MORC1: variants seen among roughly 807,000 people sequenced by gnomAD.
MORC1 encodes the protein MORC family CW-type zinc finger protein 1.
In MORC1, 59 loss-of-function variants were observed where a neutral mutation model predicts 134.9. The observed-to-expected ratio is 0.44, with a 90% CI of 0.35 to 0.54. The LOEUF (loss-of-function observed/expected upper bound fraction) is 0.54. MORC1 is among the 20% of genes least tolerant of loss of function. The pLI is 0.00. For missense variants in MORC1, 947 were observed against 1,134.5 expected, an observed-to-expected ratio of 0.83 and a Z score of 2.37; for synonymous variants, 395 against 391.7, an observed-to-expected ratio of 1.01 and a Z score of -0.10.
intron 18 of MORC1, among the ~76,000 whole-genome samples, 180 bp from the exon 19 acceptor site, chr3:109,005,495 G>C (rs1948517658): frequency 6.6e-6 from 1 of 152,122 alleles, no homozygotes; most frequent in Admixed American, 6.5e-5. Flanking sequence ...TTAAGAATTT[G>C]ATTCATAAAT....
chr3:108,962,237 G>C (rs1382762984), intron 27 of MORC1, among the ~76,000 whole-genome samples: 1 of 151,612 alleles, frequency 6.6e-6, no homozygotes, highest in Non-Finnish European at 1.5e-5. Flanking sequence ...CATCAAAGGG[G>C]AGAGGGACAT....
chr3:108,988,442 T>C (rs530592674), intron 21 of MORC1, among the ~76,000 whole-genome samples: 1 of 152,338 alleles, frequency 6.6e-6, no homozygotes, highest in East Asian at 1.9e-4. Flanking sequence ...GAAAGTGACC[T>C]TAAAGTGTAT....
chr3:109,103,638 C>T (rs1950970180), intron 4 of MORC1, among the ~76,000 whole-genome samples: 2 of 152,156 alleles, frequency 1.3e-5, no homozygotes, highest in African/African-American at 4.8e-5. Flanking sequence ...TATTAATATA[C>T]ATTTACTTTT....
At chr3:108,986,248 A>G (rs928610746) in intron 22 of MORC1, among the ~76,000 whole-genome samples, 1 of 152,196 alleles carries the variant, frequency 6.6e-6, no homozygotes, top group African/African-American at 2.4e-5. Flanking sequence ...TAGAATGCAT[A>G]ATAAAAATTA....
chr3:109,000,936 G>A (rs1422099384), intron 20 of MORC1, among the ~76,000 whole-genome samples: 1 of 152,064 alleles, frequency 6.6e-6, no homozygotes, highest in African/African-American at 2.4e-5. Context: ...TATTGGACAG[G>A]ATATTAGAAA....
At chr3:109,111,659 T>C (rs1335561983) in intron 2 of MORC1, among the ~76,000 whole-genome samples, 6 of 152,122 alleles carry the variant, frequency 3.9e-5, no homozygotes, top group Admixed American at 6.5e-5. Flanking sequence ...AAGGAAGACT[T>C]AGCTGATGAG....
At chr3:108,983,435 T>C (rs1947806321) in intron 23 of MORC1, among the ~76,000 whole-genome samples, 1 of 152,026 alleles carries the variant, frequency 6.6e-6, no homozygotes, top group Non-Finnish European at 1.5e-5. Flanking sequence ...TAATACACGC[T>C]TTGAAAAAAA....
intron 23 of MORC1, among the ~76,000 whole-genome samples, chr3:108,980,821 G>T (rs764526480): frequency 9.2e-5 from 14 of 152,336 alleles, no homozygotes; most frequent in South Asian, 8.3e-4. Context: ...GGAAGAGGAA[G>T]AAGAATGTTC....
chr3:109,032,848 A>C, intron 15 of MORC1, 23 bp from the exon 16 acceptor site: 1 of 1,404,284 alleles, frequency 7.1e-7, no homozygotes, highest in South Asian at 1.2e-5. Context: ...ACAAAATGAC[A>C]CAGAAAAGAG....
At chr3:108,987,441 A>G (rs1268138910) in intron 21 of MORC1, among the ~76,000 whole-genome samples, 1 of 152,110 alleles carries the variant, frequency 6.6e-6, no homozygotes, top group Non-Finnish European at 1.5e-5. Context: ...AATAGATAAG[A>G]AGATGGGGAA....
At chr3:108,977,068 TCAGA>T (rs908983461) in intron 24 of MORC1, among the ~76,000 whole-genome samples, 1 of 152,160 alleles carries the variant, frequency 6.6e-6, no homozygotes, top group Admixed American at 6.5e-5. Flanking sequence ...TGCAACACAC[TCAGA>T]CAGGTCTCTC....
chr3:109,062,658 G>T (rs1950109944), intron 10 of MORC1, among the ~76,000 whole-genome samples: 1 of 152,128 alleles, frequency 6.6e-6, no homozygotes, highest in Admixed American at 6.5e-5. Context: ...CTGACCTCGT[G>T]ATCCGCCCGC....
At chr3:108,966,347 C>CA (rs949389079) in intron 26 of MORC1, among the ~76,000 whole-genome samples, 5 of 152,104 alleles carry the variant, frequency 3.3e-5, no homozygotes, top group Non-Finnish European at 7.4e-5. Flanking sequence ...TGAGTTTGTG[C>CA]AAAGTAAGGA....
intron 14 of MORC1, among the ~76,000 whole-genome samples, chr3:109,041,592 T>G (rs2107636402): frequency 6.6e-6 from 1 of 152,158 alleles, no homozygotes; most frequent in African/African-American, 2.4e-5. Flanking sequence ...CTCAAGCCTG[T>G]AATCCCAGCA....
intron 11 of MORC1, 148 bp downstream of exon 11, chr3:109,061,840 T>C (rs1576695539): frequency 2.7e-6 from 2 of 738,370 alleles, no homozygotes; most frequent in Non-Finnish European, 2.3e-6. Context: ...TCATCTATTC[T>C]GTTTACCTGA....
At chr3:109,063,124 A>G in intron 10 of MORC1, 28 bp downstream of exon 10, 1 of 1,497,604 alleles carries the variant, frequency 6.7e-7, no homozygotes, top group Non-Finnish European at 9.2e-7. Context: ...CTGAACAACA[A>G]TGATGTAGGC....
At chr3:109,059,146 G>A (rs571287011) in intron 12 of MORC1, among the ~76,000 whole-genome samples, 90 of 152,152 alleles carry the variant, frequency 5.9e-4, no homozygotes, top group African/African-American at 2.1e-3. Flanking sequence ...CATGGTTCAC[G>A]AAAAATAATG....
chr3:109,077,280 G>A (rs1950441750), intron 8 of MORC1, among the ~76,000 whole-genome samples: 1 of 152,056 alleles, frequency 6.6e-6, no homozygotes, highest in African/African-American at 2.4e-5. Context: ...ATCCAAGAAA[G>A]AAGATACAGG....
rs369673470 is a variant in MORC1, at chr3:109,061,964, G to A, written c.966+24C>T. On this transcript the variant is annotated intron_variant, in intron 11 of 27. Transcript: ENST00000232603. ...AATGACACAATTTGCCATTTAATAA[G>A]ACTACTCTCTTTACATGTCGTACCT... 7.5e-6 allele frequency: 12 copies of A among 1,606,438 alleles called. No homozygotes were observed. The African/African-American group carries it at 1.6e-4, about 21-fold the overall frequency.
Sources: gnomAD v4.1 joint callset for allele counts (sites outside exome capture counted in the v4.1 genomes callset) on GRCh38, gnomAD v4.1.1 for gene constraint, MANE v1.5 for transcripts, NCBI Gene and HGNC (gene_info 2026-07-23, HGNC 2026-07-21) for gene names.